Variants in UST observed in about 807,000 individuals in gnomAD.
UST encodes the protein chondroitin sulfate 2-O-sulfotransferase.
Under a neutral mutation model 45.6 loss-of-function variants are expected in UST, and 21 were observed. The observed-to-expected ratio is 0.46, with a 90% CI of 0.33 to 0.66. The LOEUF (loss-of-function observed/expected upper bound fraction) is 0.66. Ranked by LOEUF, UST falls within the 30% of genes least tolerant of loss-of-function variation. The probability of loss-of-function intolerance (pLI) is 0.02; values close to 1 mark genes in which losing one functional copy is unlikely to be tolerated. For missense variants in UST, 463 were observed against 512.4 expected (o/e 0.90, Z 0.93); for synonymous variants, 215 against 200.6 (o/e 1.07, Z -0.61).
chr6:148,791,831 A>T (rs971278100), intron 1 of UST, among the ~76,000 whole-genome samples: 2 of 152,104 alleles, frequency 1.3e-5, no homozygotes, highest in African/African-American at 2.4e-5. Context: ...TTACATGGGA[A>T]CTCATATCTA....
At chr6:148,826,950 G>A (rs1048388637) in intron 1 of UST, among the ~76,000 whole-genome samples, 13 of 151,756 alleles carry the variant, frequency 8.6e-5, no homozygotes, top group African/African-American at 1.7e-4. Context: ...TGATTACATC[G>A]GGCCCACCTA....
At chr6:148,988,821 A>G (rs1340620319) in intron 5 of UST, among the ~76,000 whole-genome samples, 2 of 152,018 alleles carry the variant, frequency 1.3e-5, no homozygotes, top group African/African-American at 2.4e-5. Flanking sequence ...GACTTCGCCT[A>G]TTCCCAAGGA....
At chr6:148,957,399 A>G (rs766680894) in intron 4 of UST, among the ~76,000 whole-genome samples, 10 of 152,212 alleles carry the variant, frequency 6.6e-5, no homozygotes, top group Non-Finnish European at 1.2e-4. Context: ...TCAATATGCA[A>G]TTGACAGAGA....
In UST at chr6:148,884,092, C is replaced by T. The variant is rs149666281; in HGVS notation, c.248-2894C>T. Among the ~76,000 whole-genome samples, 1,211 of 149,032 alleles carry T rather than the reference C, an allele frequency of 8.1e-3. 22 individuals carry two copies. Among genetic ancestry groups the T allele is most frequent in the African/African-American group, 0.028 (1,138 of 40,064 alleles). On this transcript the variant is annotated intron_variant, in intron 1 of 7. Coordinates refer to ENST00000367463, the MANE Select transcript of UST (RefSeq NM_005715.3). ...AGGTTGCAGTGAGCCAAGATTGCAC[C>T]ACTGCACTCCAGCCTGGGCAACAAA... is the stretch of plus-strand genomic sequence containing the variant.
At chr6:148,857,762 C>CAAAAAA (rs35774834) in intron 1 of UST, among the ~76,000 whole-genome samples, 1 of 120,458 alleles carries the variant, frequency 8.3e-6, no homozygotes. Flanking sequence ...GTCTCCATCT[C>CAAAAAA]AAAAAAAAAA....
At chr6:148,914,651 G>A (rs559841350) in intron 2 of UST, among the ~76,000 whole-genome samples, 10 of 152,134 alleles carry the variant, frequency 6.6e-5, no homozygotes, top group East Asian at 3.9e-4. Flanking sequence ...TAATACTGCC[G>A]CTGATCTAAT....
chr6:148,817,337 T>C (rs1188807557), intron 1 of UST, among the ~76,000 whole-genome samples: 1 of 152,220 alleles, frequency 6.6e-6, no homozygotes, highest in African/African-American at 2.4e-5. Flanking sequence ...GTATTGTTGA[T>C]GAAAAGAGTC....
At chr6:148,805,575 G>A (rs1257879539) in intron 1 of UST, among the ~76,000 whole-genome samples, 1 of 152,148 alleles carries the variant, frequency 6.6e-6, no homozygotes, top group Admixed American at 6.5e-5. Context: ...AAATGGTGAG[G>A]ATTTCTGGAA....
At chr6:148,897,690 T>C (rs1354044421) in intron 2 of UST, among the ~76,000 whole-genome samples, 1 of 151,460 alleles carries the variant, frequency 6.6e-6, no homozygotes, top group Non-Finnish European at 1.5e-5. Context: ...GGGGTCTCAC[T>C]CTGTTGCCCA....
intron 1 of UST, among the ~76,000 whole-genome samples, chr6:148,869,716 T>C (rs956931121): frequency 6.6e-6 from 1 of 152,224 alleles, no homozygotes; most frequent in Admixed American, 6.5e-5. Context: ...TTCACATGCA[T>C]GTCATTTTAA....
At chr6:149,056,117 C>CTTTTCTT (rs1562341621) in intron 7 of UST, among the ~76,000 whole-genome samples, 23 of 81,060 alleles carry the variant, frequency 2.8e-4, no homozygotes, top group Non-Finnish European at 4.6e-4. Flanking sequence ...CTTTTCTTTT[C>CTTTTCTT]TTTTTTTTTT....
At chr6:148,921,637 GAGAGACCCACCA>G (rs1779708640) in intron 2 of UST, among the ~76,000 whole-genome samples, 2 of 152,202 alleles carry the variant, frequency 1.3e-5, no homozygotes, top group South Asian at 4.1e-4. Context: ...TCCCTGGGAG[GAGAGACCCACCA>G]AGCTTTCTGC....
rs142810594 is a variant in UST at position 148,850,986 on chromosome 6, A to G, written c.248-36000A>G. On this transcript the variant is annotated intron_variant, in intron 1 of 7. Transcript: ENST00000367463. The stretch of plus-strand genomic sequence containing the variant: ...CTAGGCTCTGCCTTTGAAACTCCCC[A>G]TATCATTCAGAATGGGCTTTAAATG... 8.8e-3 allele frequency among the ~76,000 whole-genome samples: 1,343 copies of G among 152,246 alleles called. 9 individuals are homozygous for G. The highest frequency in any genetic ancestry group is 0.018 in the African/African-American group (746 of 41,548).
At chr6:148,858,797 T>G (rs1778252987) in intron 1 of UST, among the ~76,000 whole-genome samples, 1 of 152,210 alleles carries the variant, frequency 6.6e-6, no homozygotes, top group South Asian at 2.1e-4. Context: ...CGTTTCCAGC[T>G]TCATCCATGT....
intron 2 of UST, among the ~76,000 whole-genome samples, chr6:148,923,276 A>G (rs1165961168): frequency 6.6e-6 from 1 of 152,246 alleles, no homozygotes; most frequent in Admixed American, 6.5e-5. Context: ...CTTTGGGGAC[A>G]TATCTTGGGT....
rs1192878967 is a variant in UST at position 148,859,412 on chromosome 6, G to A, written c.248-27574G>A. ...ATATTAGCCCTTTGTCAGATGGGTA[G>A]ATTGTAAAAATTTTCTCCCATTCTG... On this transcript the variant is annotated intron_variant, in intron 1 of 7. Transcript: ENST00000367463. 2.6e-5 allele frequency among the ~76,000 whole-genome samples: 4 copies of A among 152,304 alleles called. 1 individual carries two copies. The highest frequency in any genetic ancestry group is 4.1e-4 in the South Asian group (2 of 4,822).
At chr6:148,777,903 C>A (rs762215712) in intron 1 of UST, among the ~76,000 whole-genome samples, 7 of 152,168 alleles carry the variant, frequency 4.6e-5, no homozygotes, top group Non-Finnish European at 7.4e-5. Context: ...CAGTTGCCTG[C>A]AATATATTCT....
At chr6:148,959,259 C>T (rs1780595649) in intron 4 of UST, among the ~76,000 whole-genome samples, 1 of 152,218 alleles carries the variant, frequency 6.6e-6, no homozygotes, top group East Asian at 1.9e-4. Flanking sequence ...GCTAATTCCA[C>T]AAGTCAATTT....
chr6:149,041,125 C>T (rs1441289639), intron 7 of UST, among the ~76,000 whole-genome samples: 2 of 152,204 alleles, frequency 1.3e-5, no homozygotes, highest in Non-Finnish European at 2.9e-5. Context: ...TTAACAAACA[C>T]TAGTGATGGT....
Sources: gnomAD v4.1 joint callset for allele counts (sites outside exome capture counted in the v4.1 genomes callset) on GRCh38, gnomAD v4.1.1 for gene constraint, MANE v1.5 for transcripts, NCBI Gene and HGNC (gene_info 2026-07-23, HGNC 2026-07-21) for gene names.